ALK: variants seen among roughly 807,000 people sequenced by gnomAD.
ALK encodes ALK tyrosine kinase receptor.
ALK carries 74 observed loss-of-function variants against 163.1 expected under a neutral mutation model. That is an observed-to-expected ratio of 0.45 (90% CI 0.38 to 0.55). The LOEUF (loss-of-function observed/expected upper bound fraction) is 0.55, where lower values mean the gene tolerates loss of function less well. ALK is among the 20% of genes least tolerant of loss of function. ALK has a pLI of 0.00. For missense variants in ALK, 2,063 were observed against 2,105.3 expected, an observed-to-expected ratio of 0.98 and a Z score of 0.39; for synonymous variants, 960 against 843.2, an observed-to-expected ratio of 1.14 and a Z score of -2.40.
chr2:29,810,629 C>T (rs1313308337), intron 1 of ALK, among the ~76,000 whole-genome samples: 1 of 152,108 alleles, frequency 6.6e-6, no homozygotes, highest in African/African-American at 2.4e-5. Flanking sequence ...ACTGGCCTGA[C>T]AACTTTGTGC....
chr2:29,764,485 G>C (rs556146164), intron 1 of ALK, among the ~76,000 whole-genome samples: 1 of 152,228 alleles, frequency 6.6e-6, no homozygotes, highest in South Asian at 2.1e-4. Context: ...ACATTTACCG[G>C]CACACCACTG....
At chr2:29,308,546 G>A (rs1009017170) in intron 8 of ALK, among the ~76,000 whole-genome samples, 1 of 152,204 alleles carries the variant, frequency 6.6e-6, no homozygotes, top group Non-Finnish European at 1.5e-5. Flanking sequence ...CTTTGTGAGG[G>A]AGATCAAGGG....
chr2:29,213,842 C>G, intron 24 of ALK, 142 bp downstream of exon 24: 1 of 740,434 alleles, frequency 1.4e-6, no homozygotes, highest in Non-Finnish European at 2.4e-6. Context: ...TAAAACAAAG[C>G]TGAATCATCC....
chr2:29,560,018 T>C (rs1280007638), intron 3 of ALK, among the ~76,000 whole-genome samples: 2 of 152,214 alleles, frequency 1.3e-5, no homozygotes, highest in African/African-American at 2.4e-5. Context: ...AAATATTTCA[T>C]TATTTGGAAA....
intron 1 of ALK, among the ~76,000 whole-genome samples, chr2:29,771,535 T>C (rs528224138): frequency 1.4e-5 from 2 of 147,138 alleles, no homozygotes; most frequent in Admixed American, 6.8e-5. Context: ...AATTCTTCTC[T>C]TTTTTTTTTG....
intron 3 of ALK, among the ~76,000 whole-genome samples, chr2:29,589,662 G>T (rs1248693203): frequency 6.6e-6 from 1 of 152,096 alleles, no homozygotes; most frequent in Non-Finnish European, 1.5e-5. Flanking sequence ...CAAAATCATT[G>T]GCTAACTCCA....
intron 1 of ALK, among the ~76,000 whole-genome samples, chr2:29,873,784 A>C (rs988150175): frequency 2.0e-5 from 3 of 152,018 alleles, no homozygotes; most frequent in African/African-American, 4.8e-5. Flanking sequence ...AATGCCACCA[A>C]GACAAGCAGA....
chr2:29,268,587 G>A (rs1226319932), intron 11 of ALK, among the ~76,000 whole-genome samples: 1 of 152,212 alleles, frequency 6.6e-6, no homozygotes, highest in African/African-American at 2.4e-5. Context: ...TGAGTTGTTA[G>A]TCCCTAGGCT....
intron 1 of ALK, among the ~76,000 whole-genome samples, chr2:29,813,971 C>T (rs1246858159): frequency 1.3e-5 from 2 of 152,146 alleles, no homozygotes; most frequent in African/African-American, 2.4e-5. Flanking sequence ...CAGTAACATC[C>T]GAGAGGCTAT....
rs140338580 is a variant in ALK, at chr2:29,482,547, G to T, written c.1154+49368C>A. 5.0e-3 allele frequency among the ~76,000 whole-genome samples: 759 copies of T among 152,258 alleles called. 7 individuals are homozygous for T. The highest frequency in any genetic ancestry group is 8.0e-3 in the Non-Finnish European group (542 of 68,010). On this transcript the variant is annotated intron_variant, in intron 4 of 28. Transcript: ENST00000389048. Reference sequence around the variant, plus strand: ...CACCACCTGGGAAAAGTGACCTGATGCTTTAAATAGGCACCAAGCTAATGG... The same window carrying T: ...CACCACCTGGGAAAAGTGACCTGATTCTTTAAATAGGCACCAAGCTAATGG...
intron 1 of ALK, among the ~76,000 whole-genome samples, chr2:29,866,423 T>G (rs1224706751): frequency 6.6e-6 from 1 of 152,198 alleles, no homozygotes; most frequent in Non-Finnish European, 1.5e-5. Flanking sequence ...CTGATGCCCT[T>G]CAGAGCATGG....
intron 28 of ALK, among the ~76,000 whole-genome samples, chr2:29,195,623 C>T (rs1669003130): frequency 1.3e-5 from 2 of 152,232 alleles, no homozygotes; most frequent in Admixed American, 1.3e-4. Flanking sequence ...TAATCCTGGT[C>T]ACTCAGGAGG....
intron 1 of ALK, among the ~76,000 whole-genome samples, chr2:29,871,556 C>T (rs1666576513): frequency 6.6e-6 from 1 of 152,170 alleles, no homozygotes; most frequent in South Asian, 2.1e-4. Context: ...CTAAGAGCAA[C>T]AGAACCTCTG....
chr2:29,702,259 T>C (rs1283035144), intron 2 of ALK, among the ~76,000 whole-genome samples: 7 of 152,048 alleles, frequency 4.6e-5, no homozygotes, highest in African/African-American at 1.2e-4. Context: ...TCAGCCAATG[T>C]GCTGATTTAG....
chr2:29,643,861 C>A (rs1676792424), intron 3 of ALK, among the ~76,000 whole-genome samples: 1 of 152,094 alleles, frequency 6.6e-6, no homozygotes, highest in African/African-American at 2.4e-5. Context: ...GGATCTAGAA[C>A]TAGGAATACC....
chr2:29,843,685 C>T (rs914875670), intron 1 of ALK, among the ~76,000 whole-genome samples: 2 of 152,120 alleles, frequency 1.3e-5, no homozygotes, highest in Admixed American at 1.3e-4. Flanking sequence ...AAGGACAAAA[C>T]CTCCCATAAT....
At chr2:29,249,709 T>C (rs1290640257) in intron 12 of ALK, among the ~76,000 whole-genome samples, 3 of 152,176 alleles carry the variant, frequency 2.0e-5, no homozygotes, top group African/African-American at 7.2e-5. Context: ...TGTGGGTCCT[T>C]AGCAAGCATT....
At chr2:29,551,221 G>A (rs917454343) in intron 3 of ALK, among the ~76,000 whole-genome samples, 1 of 152,042 alleles carries the variant, frequency 6.6e-6, no homozygotes, top group African/African-American at 2.4e-5. Flanking sequence ...CATTATTTAC[G>A]GGAGTAAATA....
chr2:29,864,521 G>A (rs1346308726), intron 1 of ALK, among the ~76,000 whole-genome samples: 1 of 152,150 alleles, frequency 6.6e-6, no homozygotes, highest in Non-Finnish European at 1.5e-5. Context: ...CATGTTCCAT[G>A]ATACCAAGAA....
Sources: allele counts gnomAD v4.1 joint callset (sites outside exome capture counted in the v4.1 genomes callset), GRCh38; gene constraint gnomAD v4.1.1; transcripts MANE v1.5; gene names NCBI Gene and HGNC (gene_info 2026-07-23, HGNC 2026-07-21).